Variants in GPM6A observed in about 807,000 individuals in gnomAD.
GPM6A encodes the protein glycoprotein M6A.
In GPM6A, 7 loss-of-function variants were observed where a neutral mutation model predicts 32.1. That is an observed-to-expected ratio of 0.22 (90% CI 0.12 to 0.41). The LOEUF (loss-of-function observed/expected upper bound fraction) is 0.41, where lower values mean the gene tolerates loss of function less well. Ranked by LOEUF, GPM6A falls within the 10% of genes least tolerant of loss-of-function variation. GPM6A has a pLI of 1.00. For synonymous variants in GPM6A, 130 were observed against 123.4 expected (o/e 1.05, Z -0.35); for missense variants, 235 against 347.2 (o/e 0.68, Z 2.57).
chr4:175,962,942 A>G (rs1305177175), intron 1 of GPM6A, among the ~76,000 whole-genome samples: 2 of 152,210 alleles, frequency 1.3e-5, no homozygotes, highest in East Asian at 1.9e-4. Context: ...ATGTAAGAAC[A>G]GATGGGTAAT....
chr4:175,673,686 G>A lies in GPM6A; in HGVS notation c.381C>T (p.Ser127=), dbSNP rs768933651. Residue 127 remains serine, a synonymous_variant, in exon 3 of 7, where the codon AGC becomes AGT. Transcript: ENST00000393658. ...ATGTAGAGAACTAACATACCCAAGC[G>A]CTCACACATCTGCCACAAGTGGTGA... is the stretch of plus-strand genomic sequence containing the variant. The part of the protein sequence containing the change: ...FKITTCGRCV[S]AWFIMLTYLF... 1.4e-5 allele frequency: 22 copies of A among 1,605,540 alleles called. No homozygotes were observed. The highest frequency in any genetic ancestry group is 2.2e-5 in the East Asian group (1 of 44,826).
intron 1 of GPM6A, among the ~76,000 whole-genome samples, chr4:175,844,092 G>T (rs1736019805): frequency 6.6e-6 from 1 of 152,170 alleles, no homozygotes; most frequent in East Asian, 1.9e-4. Context: ...CTCCTTGGCT[G>T]TAAATCCCAA....
At chr4:175,673,461 A>G (rs748018571) in intron 3 of GPM6A, among the ~76,000 whole-genome samples, 1 of 152,136 alleles carries the variant, frequency 6.6e-6, no homozygotes, top group Non-Finnish European at 1.5e-5. Context: ...TAGAAACAAA[A>G]CTAGTTGTGC....
chr4:175,782,976 G>T (rs944807491), intron 1 of GPM6A, among the ~76,000 whole-genome samples: 4 of 151,682 alleles, frequency 2.6e-5, no homozygotes, highest in South Asian at 2.1e-4. Context: ...ATTTATTGTT[G>T]TAAGTTATTA....
intron 1 of GPM6A, chr4:175,972,123 T>C (rs193181796): frequency 6.6e-6 from 1 of 152,318 alleles, no homozygotes; most frequent in East Asian, 1.9e-4. Context: ...TATACTTTAT[T>C]ATTCATCAGT....
chr4:175,884,317 T>C (rs1352235568), intron 1 of GPM6A, among the ~76,000 whole-genome samples: 1 of 152,248 alleles, frequency 6.6e-6, no homozygotes, highest in Non-Finnish European at 1.5e-5. Context: ...CTAGTGATGA[T>C]TCACATCATT....
intron 1 of GPM6A, among the ~76,000 whole-genome samples, chr4:175,912,332 C>A (rs531101103): frequency 6.6e-6 from 1 of 151,946 alleles, no homozygotes; most frequent in Non-Finnish European, 1.5e-5. Flanking sequence ...GATTTATATA[C>A]CACTTCTGAG....
At chr4:175,894,045 T>C (rs1441397158) in intron 1 of GPM6A, among the ~76,000 whole-genome samples, 1 of 152,166 alleles carries the variant, frequency 6.6e-6, no homozygotes, top group African/African-American at 2.4e-5. Flanking sequence ...AATTAATCTC[T>C]TATTTCAGAG....
chr4:175,947,634 G>T (rs1055793039), intron 1 of GPM6A: 1 of 152,012 alleles, frequency 6.6e-6, no homozygotes. Flanking sequence ...AAATGTTCTT[G>T]CATTCATTAC....
intron 3 of GPM6A, among the ~76,000 whole-genome samples, chr4:175,666,891 C>A (rs112418015): frequency 0.015 from 2,293 of 152,232 alleles, 35 homozygotes; most frequent in Middle Eastern, 0.051. Flanking sequence ...GGCTTTATTG[C>A]AAAATTTGAT....
Position 175,980,202 on chromosome 4 carries a change from A to G in GPM6A, c.-23+22107T>C, listed in dbSNP as rs555285345. ...TAGCAAGACTCTACAAAAACTACAG[A>G]AAGAAATAGCTGGGCGTGGTGGCAT... On this transcript the variant is annotated intron_variant, in intron 1 of 7. Transcript: ENST00000280187. Among the ~76,000 whole-genome samples, 237 of 152,274 alleles carry G rather than the reference A, an allele frequency of 1.6e-3. 1 individual carries two copies. The highest frequency in any genetic ancestry group is 5.4e-3 in the African/African-American group (223 of 41,560).
chr4:175,915,587 A>G (rs1431243970), intron 1 of GPM6A, among the ~76,000 whole-genome samples: 1 of 152,182 alleles, frequency 6.6e-6, no homozygotes, highest in Non-Finnish European at 1.5e-5. Flanking sequence ...GTCAATAAGA[A>G]AAAGACCAAT....
chr4:175,744,169 C>T (rs1195193069), intron 1 of GPM6A, among the ~76,000 whole-genome samples: 1 of 151,850 alleles, frequency 6.6e-6, no homozygotes. Context: ...TGTTTCCTCA[C>T]CAAAGTGGAA....
At chr4:176,002,384 T>C, upstream of GPM6A, 9 of 1,554,396 alleles carry the variant, frequency 5.8e-6, no homozygotes, top group South Asian at 1.1e-4. Context: ...GGCCAAGTTC[T>C]CCAAGCCGCG....
chr4:175,979,186 A>G (rs943786095), intron 1 of GPM6A, among the ~76,000 whole-genome samples: 5 of 152,200 alleles, frequency 3.3e-5, no homozygotes, highest in Non-Finnish European at 7.3e-5. Context: ...GTTTAACAAC[A>G]CTGAAGACTA....
At chr4:175,724,963 G>A (rs930761051) in intron 1 of GPM6A, among the ~76,000 whole-genome samples, 2 of 152,082 alleles carry the variant, frequency 1.3e-5, no homozygotes, top group African/African-American at 4.8e-5. Context: ...CATTCTCCCT[G>A]GCGAGGCCCT....
chr4:175,945,484 A>C (rs1264491555), intron 1 of GPM6A, among the ~76,000 whole-genome samples: 1 of 152,072 alleles, frequency 6.6e-6, no homozygotes. Context: ...GTTGTAAATA[A>C]TACACACCCA....
intron 1 of GPM6A, among the ~76,000 whole-genome samples, chr4:175,730,615 C>T (rs1337297803): frequency 6.6e-6 from 1 of 151,970 alleles, no homozygotes; most frequent in Non-Finnish European, 1.5e-5. Context: ...GGACTACAGG[C>T]GCCCGCCACC....
intron 3 of GPM6A, among the ~76,000 whole-genome samples, chr4:175,652,690 A>G (rs1429403950): frequency 6.6e-6 from 1 of 152,082 alleles, no homozygotes; most frequent in African/African-American, 2.4e-5. Context: ...TGTATCCTAG[A>G]TAGAATTGAA....
Sources: gnomAD v4.1 joint callset for allele counts (sites outside exome capture counted in the v4.1 genomes callset) on GRCh38, gnomAD v4.1.1 for gene constraint, MANE v1.5 for transcripts, NCBI Gene and HGNC (gene_info 2026-07-23, HGNC 2026-07-21) for gene names.